The following CACHD1 variants were observed in gnomAD, a reference collection of about 807,000 sequenced individuals.
The protein encoded by CACHD1 is cache domain containing 1, also known as VWFA and cache domain-containing protein 1.
A neutral mutation model predicts 138.7 loss-of-function variants in CACHD1; 71 were observed. That is an observed-to-expected ratio of 0.51 (90% CI 0.42 to 0.62). CACHD1 has a LOEUF of 0.62. CACHD1 is among the 20% of genes least tolerant of loss of function. CACHD1 has a pLI of 0.00. For missense variants in CACHD1, 1,389 were observed against 1,625.3 expected (o/e 0.85, Z 2.50); for synonymous variants, 578 against 591.5 (o/e 0.98, Z 0.33).
chr1:64,568,543 C>G (rs376307669), intron 2 of CACHD1, among the ~76,000 whole-genome samples: 1 of 152,152 alleles, frequency 6.6e-6, no homozygotes, highest in South Asian at 2.1e-4. Context: ...CTCCCCACCC[C>G]CCATTTGGGA....
At chr1:64,483,024 T>G (rs1646220099) in intron 1 of CACHD1, among the ~76,000 whole-genome samples, 1 of 152,216 alleles carries the variant, frequency 6.6e-6, no homozygotes, top group Admixed American at 6.5e-5. Flanking sequence ...TAGTAGTTAC[T>G]GTTACAAATT....
At chr1:64,582,417 TC>T in intron 3 of CACHD1, 113 bp downstream of exon 3, 1 of 953,454 alleles carries the variant, frequency 1.0e-6, no homozygotes, top group Non-Finnish European at 1.6e-6. Context: ...GTAGCTTGTT[TC>T]CCACTATTTA....
chr1:64,546,922 A>T (rs965658472), intron 1 of CACHD1, among the ~76,000 whole-genome samples: 8 of 151,746 alleles, frequency 5.3e-5, no homozygotes, highest in Non-Finnish European at 1.0e-4. Flanking sequence ...GATAGAAAAA[A>T]ACCCCCAAAT....
chr1:64,654,645 T>C, intron 11 of CACHD1, 41 bp from the exon 12 acceptor site: 4 of 1,481,274 alleles, frequency 2.7e-6, no homozygotes, highest in South Asian at 1.1e-5. Context: ...TGCTTAATTT[T>C]ATCTTTTGCC....
chr1:64,647,817 G>C lies in CACHD1; in HGVS notation c.1173G>C (p.Leu391Phe), dbSNP rs199573134. ...CCATTTTAGATGGGGTGACTGGTTT[G>C]AAAGAGCTGGCTTTTCTGAGGGATC... Reference protein sequence around the residue: ...YALMNDGVTGLKELAFLRDLA... With the variant: ...YALMNDGVTGFKELAFLRDLA... Residue 391 changes from leucine to phenylalanine, a missense_variant, in exon 9 of 27, where the codon TTG becomes TTC. Coordinates refer to ENST00000651257, the MANE Select transcript of CACHD1 (RefSeq NM_020925.4). The C allele has an allele frequency of 1.2e-6, 2 of 1,614,176 alleles. No homozygotes were observed. The highest frequency in any genetic ancestry group is 2.7e-5 in the African/African-American group (2 of 75,050).
At chr1:64,491,076 T>C (rs1039055082) in intron 1 of CACHD1, among the ~76,000 whole-genome samples, 1 of 152,234 alleles carries the variant, frequency 6.6e-6, no homozygotes, top group African/African-American at 2.4e-5. Context: ...CAGTATGATA[T>C]GACTAATATT....
At chr1:64,623,002 TAATC>T (rs1647970279) in intron 4 of CACHD1, among the ~76,000 whole-genome samples, 1 of 152,354 alleles carries the variant, frequency 6.6e-6, no homozygotes, top group South Asian at 2.1e-4. Context: ...CAAACTTTCT[TAATC>T]AAGGCAGTGG....
At chr1:64,675,361 A>G (rs1163243659) in intron 19 of CACHD1, 40 bp from the exon 20 acceptor site, 1 of 1,509,456 alleles carries the variant, frequency 6.6e-7, no homozygotes, top group Admixed American at 1.7e-5. Context: ...GAGTCTTTGC[A>G]TTGCTGTCTG....
At chr1:64,595,011 A>G (rs973900298) in intron 3 of CACHD1, among the ~76,000 whole-genome samples, 4 of 152,218 alleles carry the variant, frequency 2.6e-5, no homozygotes, top group African/African-American at 7.2e-5. Flanking sequence ...AGAATCAGCC[A>G]TAAGTATTCT....
intron 1 of CACHD1, among the ~76,000 whole-genome samples, chr1:64,529,837 C>T (rs1187842049): frequency 6.6e-6 from 1 of 152,178 alleles, no homozygotes; most frequent in Non-Finnish European, 1.5e-5. Context: ...CAATTCATTC[C>T]CCTGCTCTAT....
intron 15 of CACHD1, among the ~76,000 whole-genome samples, 155 bp from the exon 16 acceptor site, chr1:64,665,902 G>T (rs1044661330): frequency 6.6e-6 from 1 of 152,136 alleles, no homozygotes; most frequent in Non-Finnish European, 1.5e-5. Flanking sequence ...TACTTGGAGA[G>T]GCTGAGGCAG....
intron 4 of CACHD1, among the ~76,000 whole-genome samples, chr1:64,627,445 A>G (rs1648149297): frequency 6.6e-6 from 1 of 152,150 alleles, no homozygotes; most frequent in Non-Finnish European, 1.5e-5. Flanking sequence ...ATAGGAATTC[A>G]GTCCTGCTAA....
At chr1:64,498,874 T>C (rs532964174) in intron 1 of CACHD1, among the ~76,000 whole-genome samples, 68 of 152,324 alleles carry the variant, frequency 4.5e-4, no homozygotes, top group African/African-American at 1.6e-3. Flanking sequence ...ATCGTGTGCT[T>C]AAAGTACATT....
At chr1:64,559,175 A>G (rs1169136276) in intron 2 of CACHD1, among the ~76,000 whole-genome samples, 1 of 152,152 alleles carries the variant, frequency 6.6e-6, no homozygotes, top group African/African-American at 2.4e-5. Flanking sequence ...TAAGCATTCT[A>G]CTCTAAAGAC....
chr1:64,691,757 G>A lies in CACHD1; in HGVS notation c.*196G>A, dbSNP rs1008667080. ...ACAACACAGTCACATTTGTGAAGATGTGAGGCTGGTTCTGAAATGGAGGGG... is the reference window on the plus strand; with the variant it reads ...ACAACACAGTCACATTTGTGAAGATATGAGGCTGGTTCTGAAATGGAGGGG... On this transcript the variant is annotated 3_prime_UTR_variant, in exon 27 of 27. Coordinates refer to ENST00000651257, the MANE Select transcript of CACHD1 (RefSeq NM_020925.4). 1.6e-4 allele frequency: 93 copies of A among 590,928 alleles called. No individual in the cohort carries two copies. The highest frequency in any genetic ancestry group is 9.9e-5 in the Non-Finnish European group (33 of 333,016). 36.6% of individuals were successfully genotyped at this position (590,928 alleles called of 1,614,324 possible). A position where few individuals can be genotyped will look rare whatever the true frequency, so the allele number is the denominator to read the frequency against.
At position 64,682,843 on chromosome 1, in the gene CACHD1, A is replaced by G. The variant is rs1327938640; in HGVS notation, c.3586+737A>G. On this transcript the variant is annotated intron_variant, in intron 26 of 26. Coordinates refer to ENST00000651257, the MANE Select transcript of CACHD1 (RefSeq NM_020925.4). ...ATCCCAGTCTATAAGCATCACTGCC[A>G]CAGTTCCACAAAAATATAACAGATG... 2.6e-5 allele frequency among the ~76,000 whole-genome samples: 4 copies of G among 152,058 alleles called. No homozygotes were observed. In the East Asian group the frequency reaches 7.7e-4, roughly 29 times the overall value.
intron 26 of CACHD1, among the ~76,000 whole-genome samples, chr1:64,683,921 A>T (rs911634449): frequency 1.4e-4 from 21 of 152,134 alleles, no homozygotes; most frequent in Non-Finnish European, 1.5e-5. Flanking sequence ...AAGGAAATCT[A>T]ATTGTTTTGT....
At chr1:64,628,792 A>G (rs1396000175) in intron 4 of CACHD1, among the ~76,000 whole-genome samples, 1 of 152,214 alleles carries the variant, frequency 6.6e-6, no homozygotes, top group Non-Finnish European at 1.5e-5. Flanking sequence ...ATGACATGAG[A>G]TAACATAAGG....
chr1:64,601,690 C>T (rs1340441312), intron 3 of CACHD1, among the ~76,000 whole-genome samples: 1 of 152,194 alleles, frequency 6.6e-6, no homozygotes, highest in African/African-American at 2.4e-5. Flanking sequence ...ATGTGATCAA[C>T]AGATAATTAA....
Sources: allele counts gnomAD v4.1 joint callset (sites outside exome capture counted in the v4.1 genomes callset), GRCh38; gene constraint gnomAD v4.1.1; transcripts MANE v1.5; gene names NCBI Gene and HGNC (gene_info 2026-07-23, HGNC 2026-07-21).